The following CMBL variants were observed in gnomAD, a reference collection of about 807,000 sequenced individuals.
CMBL encodes the protein carboxymethylenebutenolidase homolog (Pseudomonas).
A neutral mutation model predicts 28.7 loss-of-function variants in CMBL; 17 were observed. The ratio of observed to expected loss-of-function variants is 0.59; its 90% confidence interval spans 0.41 to 0.89. CMBL has a LOEUF of 0.89. CMBL is among the 40% of genes least tolerant of loss of function. The pLI, the probability that CMBL is intolerant of heterozygous loss-of-function variation, is 0.00. For missense variants in CMBL, 310 were observed against 298.5 expected, an observed-to-expected ratio of 1.04 and a Z score of -0.28; for synonymous variants, 106 against 101.6, an observed-to-expected ratio of 1.04 and a Z score of -0.26.
chr5:10,303,156 CCT>C (rs903457940), intron 1 of CMBL, among the ~76,000 whole-genome samples: 1 of 152,158 alleles, frequency 6.6e-6, no homozygotes, highest in Admixed American at 6.6e-5. Context: ...TTTGAATCCC[CCT>C]GTGACCTGTA....
chr5:10,293,755 C>A (rs781628619), intron 1 of CMBL, among the ~76,000 whole-genome samples: 1 of 152,218 alleles, frequency 6.6e-6, no homozygotes, highest in Non-Finnish European at 1.5e-5. Context: ...TACTGAGGCA[C>A]CACTCTGTGA....
At chr5:10,305,504 C>A (rs566912701) in intron 1 of CMBL, among the ~76,000 whole-genome samples, 2 of 151,390 alleles carry the variant, frequency 1.3e-5, no homozygotes, top group African/African-American at 4.8e-5. Context: ...CTGCCTAACA[C>A]AAGCATGTCC....
intron 3 of CMBL, 138 bp from the exon 4 acceptor site, chr5:10,286,634 T>C (rs1746609805): frequency 1.5e-6 from 1 of 674,362 alleles, no homozygotes; most frequent in Non-Finnish European, 2.4e-6. Context: ...GCTCCACCCT[T>C]ACTACCTCTG....
At chr5:10,292,923 G>C (rs1746752939) in intron 1 of CMBL, among the ~76,000 whole-genome samples, 1 of 151,690 alleles carries the variant, frequency 6.6e-6, no homozygotes, top group Non-Finnish European at 1.5e-5. Context: ...AACAACTGGA[G>C]AACACAGTCT....
intron 3 of CMBL, among the ~76,000 whole-genome samples, chr5:10,287,714 A>T (rs944928777): frequency 1.3e-5 from 2 of 151,056 alleles, no homozygotes; most frequent in African/African-American, 4.9e-5. Flanking sequence ...TAATTAATTA[A>T]TTTCTTTTTT....
intron 1 of CMBL, among the ~76,000 whole-genome samples, chr5:10,297,184 CAA>C (rs34069848): frequency 3.1e-4 from 44 of 141,064 alleles, no homozygotes; most frequent in Non-Finnish European, 3.8e-4. Context: ...GACTCCATCT[CAA>C]AAAAAAAAAA....
intron 5 of CMBL, among the ~76,000 whole-genome samples, chr5:10,280,920 C>A (rs1324081777): frequency 6.6e-6 from 1 of 152,180 alleles, no homozygotes; most frequent in Non-Finnish European, 1.5e-5. Flanking sequence ...ATGACAGGCA[C>A]CCGCCACCAT....
At chr5:10,288,862 A>G (rs1746654404) in intron 2 of CMBL, among the ~76,000 whole-genome samples, 2 of 152,144 alleles carry the variant, frequency 1.3e-5, no homozygotes. Context: ...GGTGGCTTTG[A>G]GGGCCCCTCC....
rs996185305 is a variant in CMBL at position 10,277,976 on chromosome 5, G to A, written c.*2477C>T. Among the ~76,000 whole-genome samples the A allele has an allele frequency of 3.3e-5, 5 of 152,238 alleles. No homozygotes were observed. The highest frequency in any genetic ancestry group is 7.3e-5 in the Non-Finnish European group (5 of 68,046). On this transcript the variant is annotated 3_prime_UTR_variant, in exon 6 of 6. Transcript: ENST00000296658. ...ACGGCAAAAGCCCAGCACATCTCAG[G>A]GGTTTCCTGGGAGGCCGGATGAATG...
chr5:10,288,995 G>A (rs555930845), intron 2 of CMBL, among the ~76,000 whole-genome samples: 4 of 152,298 alleles, frequency 2.6e-5, no homozygotes, highest in South Asian at 2.1e-4. Flanking sequence ...CCACCAAGAC[G>A]GCGACGAAGC....
intron 2 of CMBL, among the ~76,000 whole-genome samples, chr5:10,290,057 G>A (rs1336930188): frequency 6.6e-6 from 1 of 152,206 alleles, no homozygotes; most frequent in Non-Finnish European, 1.5e-5. Context: ...TTGGGGAGGG[G>A]AGCAAGGTCT....
intron 3 of CMBL, among the ~76,000 whole-genome samples, chr5:10,288,070 C>CCGT (rs1746637089): frequency 6.6e-6 from 1 of 151,402 alleles, no homozygotes; most frequent in Non-Finnish European, 1.5e-5. Context: ...GCACTTGAGA[C>CCGT]CAGCCTGGCC....
chr5:10,296,517 G>C (rs1056746023), intron 1 of CMBL, among the ~76,000 whole-genome samples: 4 of 152,324 alleles, frequency 2.6e-5, no homozygotes, highest in South Asian at 2.1e-4. Context: ...CTGACCTCAG[G>C]TGATCCACTG....
intron 4 of CMBL, among the ~76,000 whole-genome samples, chr5:10,282,742 A>C (rs1332542733): frequency 1.3e-5 from 2 of 152,044 alleles, no homozygotes; most frequent in Non-Finnish European, 2.9e-5. Context: ...CGTTTGTGCC[A>C]CTGCACTCCA....
chr5:10,288,637 A>G (rs1746650764), intron 2 of CMBL, 108 bp from the exon 3 acceptor site: 6 of 859,472 alleles, frequency 7.0e-6, no homozygotes, highest in Non-Finnish European at 1.1e-5. Context: ...GCTCAGAGAA[A>G]AGGAAAAGTA....
At chr5:10,293,946 T>G (rs546404538) in intron 1 of CMBL, among the ~76,000 whole-genome samples, 1 of 152,302 alleles carries the variant, frequency 6.6e-6, no homozygotes, top group South Asian at 2.1e-4. Context: ...GTTGAGGGTG[T>G]GAGTTGCAAT....
chr5:10,283,097 A>AAAAAG (rs1746528383), intron 4 of CMBL, among the ~76,000 whole-genome samples: 1 of 151,678 alleles, frequency 6.6e-6, no homozygotes, highest in Non-Finnish European at 1.5e-5. Context: ...TCTCAGAAAA[A>AAAAAG]AAAAAAAAAA....
At chr5:10,304,915 C>T (rs1172024463) in intron 1 of CMBL, among the ~76,000 whole-genome samples, 1 of 152,198 alleles carries the variant, frequency 6.6e-6, no homozygotes, top group African/African-American at 2.4e-5. Context: ...AATCAGACAG[C>T]CCACAGGGCG....
At chr5:10,287,668 T>C (rs953533260) in intron 3 of CMBL, among the ~76,000 whole-genome samples, 1 of 152,188 alleles carries the variant, frequency 6.6e-6, no homozygotes, top group Non-Finnish European at 1.5e-5. Context: ...CTCACGCCTA[T>C]AGTGAGACCC....
Sources: allele counts gnomAD v4.1 joint callset (sites outside exome capture counted in the v4.1 genomes callset), GRCh38; gene constraint gnomAD v4.1.1; transcripts MANE v1.5; gene names NCBI Gene and HGNC (gene_info 2026-07-23, HGNC 2026-07-21).